PSD3: variants seen among roughly 807,000 people sequenced by gnomAD.
PSD3 encodes PH and SEC7 domain-containing protein 3.
In PSD3, 49 loss-of-function variants were observed where a neutral mutation model predicts 105.5. That is an observed-to-expected ratio of 0.46 (90% CI 0.37 to 0.59). PSD3 has a LOEUF of 0.59. PSD3 is among the 20% of genes least tolerant of loss of function. The probability of loss-of-function intolerance (pLI) is 0.00; values close to 1 mark genes in which losing one functional copy is unlikely to be tolerated. For missense variants in PSD3, 1,561 were observed against 1,263.8 expected (o/e 1.24, Z -3.57); for synonymous variants, 557 against 457.8 (o/e 1.22, Z -2.77).
chr8:19,027,220 AAC>A (rs1827588896), intron 1 of PSD3, among the ~76,000 whole-genome samples: 1 of 152,142 alleles, frequency 6.6e-6, no homozygotes. Flanking sequence ...AAGGGAAAAA[AAC>A]AAAAAAGAAA....
intron 9 of PSD3, among the ~76,000 whole-genome samples, chr8:18,742,246 C>T (rs927868421): frequency 6.6e-6 from 1 of 151,918 alleles, no homozygotes; most frequent in African/African-American, 2.4e-5. Flanking sequence ...ATATGATTTA[C>T]CAAAAAAGAA....
At chr8:18,911,669 T>G (rs1025385674) in intron 2 of PSD3, among the ~76,000 whole-genome samples, 2 of 152,192 alleles carry the variant, frequency 1.3e-5, no homozygotes, top group African/African-American at 4.8e-5. Context: ...AAACAGAAAA[T>G]GAAATCTTTA....
intron 1 of PSD3, among the ~76,000 whole-genome samples, chr8:18,988,815 A>C (rs1328644672): frequency 1.3e-5 from 2 of 152,214 alleles, no homozygotes; most frequent in Non-Finnish European, 2.9e-5. Flanking sequence ...TTGGTTTCTG[A>C]AATTCTCTTA....
At chr8:18,609,208 C>T (rs1188864680) in intron 11 of PSD3, among the ~76,000 whole-genome samples, 1 of 152,132 alleles carries the variant, frequency 6.6e-6, no homozygotes, top group Non-Finnish European at 1.5e-5. Flanking sequence ...AGAGAATTAG[C>T]CATATACACA....
chr8:18,591,708 A>G (rs1803622831), intron 12 of PSD3, among the ~76,000 whole-genome samples: 1 of 152,180 alleles, frequency 6.6e-6, no homozygotes, highest in Non-Finnish European at 1.5e-5. Flanking sequence ...TGCATCCAGC[A>G]TTCTGGCTTT....
chr8:18,860,788 A>G (rs866574232), intron 4 of PSD3, among the ~76,000 whole-genome samples: 2 of 152,344 alleles, frequency 1.3e-5, no homozygotes, highest in South Asian at 4.1e-4. Context: ...GTACTGATAT[A>G]TGAATAAAAA....
At chr8:18,669,887 A>T (rs1799681688) in intron 9 of PSD3, among the ~76,000 whole-genome samples, 1 of 152,228 alleles carries the variant, frequency 6.6e-6, no homozygotes, top group Admixed American at 6.5e-5. Flanking sequence ...AGTAAAAATA[A>T]ATCCCTTAAA....
chr8:18,848,951 G>A (rs1815344862), intron 4 of PSD3, among the ~76,000 whole-genome samples: 1 of 152,176 alleles, frequency 6.6e-6, no homozygotes, highest in Non-Finnish European at 1.5e-5. Context: ...GTCAATCAAT[G>A]ATGAATTCAA....
intron 9 of PSD3, among the ~76,000 whole-genome samples, chr8:18,708,318 A>C (rs1185633334): frequency 6.6e-6 from 1 of 152,188 alleles, no homozygotes. Context: ...GCCAAATAAG[A>C]GACTGTGGTA....
At chr8:18,907,199 C>A (rs1819903257) in intron 2 of PSD3, among the ~76,000 whole-genome samples, 1 of 152,160 alleles carries the variant, frequency 6.6e-6, no homozygotes, top group African/African-American at 2.4e-5. Context: ...TTCATAAAGT[C>A]TACAACAGTG....
At chr8:18,963,169 T>C (rs894890766) in intron 1 of PSD3, among the ~76,000 whole-genome samples, 1 of 152,196 alleles carries the variant, frequency 6.6e-6, no homozygotes, top group Non-Finnish European at 1.5e-5. Context: ...TATTCACTAC[T>C]ATGACAACAG....
At chr8:19,023,510 C>A (rs1022691444) in intron 1 of PSD3, among the ~76,000 whole-genome samples, 5 of 151,944 alleles carry the variant, frequency 3.3e-5, no homozygotes, top group South Asian at 2.1e-4. Flanking sequence ...ATCACTGCAG[C>A]CTTGACCTCC....
At chr8:19,064,335 G>A (rs559407161) in intron 1 of PSD3, among the ~76,000 whole-genome samples, 3 of 151,730 alleles carry the variant, frequency 2.0e-5, no homozygotes, top group Admixed American at 6.6e-5. Context: ...TTTTTGATTC[G>A]TTTCTTAAAA....
chr8:18,946,648 CT>C (rs1286758875), intron 1 of PSD3, among the ~76,000 whole-genome samples: 2 of 151,400 alleles, frequency 1.3e-5, no homozygotes, highest in African/African-American at 4.9e-5. Context: ...GCCTGTAATC[CT>C]AGCATTTTGG....
intron 2 of PSD3, among the ~76,000 whole-genome samples, chr8:18,921,317 A>C (rs1388767): frequency 0.036 from 5,501 of 152,316 alleles, 291 homozygotes; most frequent in East Asian, 0.21. Context: ...TAAACATCTC[A>C]AGTAAATTAT....
chr8:18,725,117 C>T (rs1011895007), intron 9 of PSD3, among the ~76,000 whole-genome samples: 10 of 152,184 alleles, frequency 6.6e-5, no homozygotes, highest in Non-Finnish European at 1.2e-4. Flanking sequence ...TACGTATTGG[C>T]TCCCCATCAT....
intron 3 of PSD3, among the ~76,000 whole-genome samples, chr8:18,871,171 C>T (rs563908907): frequency 9.2e-5 from 14 of 152,218 alleles, no homozygotes; most frequent in East Asian, 1.9e-4. Flanking sequence ...ACATGTATGT[C>T]GGCTGGACTG....
At chr8:18,827,452 C>T (rs1813289691) in intron 4 of PSD3, among the ~76,000 whole-genome samples, 1 of 152,082 alleles carries the variant, frequency 6.6e-6, no homozygotes, top group Non-Finnish European at 1.5e-5. Context: ...GCGTGGAATG[C>T]TTAGGCAAGG....
intron 4 of PSD3, among the ~76,000 whole-genome samples, chr8:18,807,615 A>G (rs1811316150): frequency 6.6e-6 from 1 of 152,206 alleles, no homozygotes; most frequent in Non-Finnish European, 1.5e-5. Context: ...ACCACAGTCA[A>G]TATCAATGGC....
Sources: gnomAD v4.1 joint callset for allele counts (sites outside exome capture counted in the v4.1 genomes callset) on GRCh38, gnomAD v4.1.1 for gene constraint, MANE v1.5 for transcripts, NCBI Gene and HGNC (gene_info 2026-07-23, HGNC 2026-07-21) for gene names.